CMYA5: variants seen among roughly 807,000 people sequenced by gnomAD.
The protein encoded by CMYA5 is cardiomyopathy associated 5, also known as cardiomyopathy-associated protein 5.
Under a neutral mutation model 318.9 loss-of-function variants are expected in CMYA5, and 246 were observed. The observed-to-expected ratio is 0.77, with a 90% confidence interval of 0.70 to 0.86. The LOEUF (loss-of-function observed/expected upper bound fraction) is 0.86, where lower values mean the gene tolerates loss of function less well. Among genes scored for constraint, CMYA5 ranks in the 40% least tolerant of loss-of-function variants. The probability of loss-of-function intolerance (pLI) is 0.00; values close to 1 mark genes in which losing one functional copy is unlikely to be tolerated. For synonymous variants in CMYA5, 1,641 were observed against 1,729.5 expected, an observed-to-expected ratio of 0.95 and a Z score of 1.27; for missense variants, 4,589 against 4,678.2, an observed-to-expected ratio of 0.98 and a Z score of 0.56.
At position 79,745,400 on chromosome 5, in the gene CMYA5, C is replaced by A; in HGVS notation, c.10913C>A (p.Thr3638Asn). ...FLQSMDTAKD[T>N]LETIVREAEE... ...CAGAGCATGGACACTGCCAAAGACACCCTGGAGACCATCGTGAGAGAAGCA... is the reference window on the plus strand; with the variant it reads ...CAGAGCATGGACACTGCCAAAGACAACCTGGAGACCATCGTGAGAGAAGCA... Residue 3638 changes from threonine to asparagine, a missense_variant, in exon 4 of 13, where the codon ACC becomes AAC. Physicochemically the swap from Thr to Asn is moderately conservative, Grantham distance 65. Transcript: ENST00000446378. 6.2e-7 allele frequency: 1 copy of A among 1,613,968 alleles called. No homozygotes were observed. The highest frequency in any genetic ancestry group is 1.7e-5 in the Admixed American group (1 of 60,014).
At chr5:79,785,041 C>A (rs1156566330) in intron 9 of CMYA5, among the ~76,000 whole-genome samples, 1 of 148,004 alleles carries the variant, frequency 6.8e-6, no homozygotes. Context: ...TTTAGTATGG[C>A]TATCTAGCTG....
chr5:79,775,797 C>T (rs1828928800), intron 9 of CMYA5, among the ~76,000 whole-genome samples: 1 of 152,114 alleles, frequency 6.6e-6, no homozygotes, highest in Non-Finnish European at 1.5e-5. Context: ...AGCCACCATT[C>T]TGGGCAGGCA....
At position 79,741,477 on chromosome 5, in the gene CMYA5, C is replaced by G. The variant is rs369807659; in HGVS notation, c.10638+2074C>G. 1.1e-3 allele frequency among the ~76,000 whole-genome samples: 163 copies of G among 152,256 alleles called. 1 individual carries two copies. In the Middle Eastern group the frequency reaches 0.014, roughly 13 times the overall value. ...GATTCAACAGATAACATATTAGAAT[C>G]TTGGCATTTTTTAACTCCCAAATTA... On this transcript the variant is annotated intron_variant, in intron 2 of 12. Transcript: ENST00000446378.
intron 1 of CMYA5, among the ~76,000 whole-genome samples, chr5:79,692,946 A>T (rs2055432): frequency 2.0e-5 from 3 of 152,096 alleles, no homozygotes; most frequent in African/African-American, 4.8e-5. Flanking sequence ...TACAAAAATA[A>T]GAATCCATTA....
chr5:79,728,462 A>G (rs1561204454), intron 1 of CMYA5, among the ~76,000 whole-genome samples: 1 of 152,002 alleles, frequency 6.6e-6, no homozygotes, highest in Non-Finnish European at 1.5e-5. Flanking sequence ...TACCTGTGAT[A>G]CCAGCTGACC....
At position 79,731,978 on chromosome 5, in the gene CMYA5, G is replaced by T. The variant is rs987679415; in HGVS notation, c.3213G>T (p.Leu1071Phe). Residue 1071 changes from leucine (L) to phenylalanine (F), a missense_variant, in exon 2 of 13, where the codon TTG (leucine) becomes TTT (phenylalanine). Around this residue, in one of 3 missense-constraint regions of CMYA5, gnomAD observed 2,132 missense variants for 2,131.3 expected, o/e 1.00. Transcript: ENST00000446378. Reference sequence around the variant, plus strand: ...AGCAAAAAGCTGAAACTTTCCCTTTGATGTCTCCGCTTGAAGACTTAAGTC... The same window carrying T: ...AGCAAAAAGCTGAAACTTTCCCTTTTATGTCTCCGCTTGAAGACTTAAGTC... ...SQKQKAETFPLMSPLEDLSLP... is the reference protein window; with the variant it reads ...SQKQKAETFPFMSPLEDLSLP... 1 of 1,613,722 alleles carries T rather than the reference G, an allele frequency of 6.2e-7. No individual in the cohort carries two copies. Among genetic ancestry groups the T allele is most frequent in the Non-Finnish European group, 8.5e-7 (1 of 1,179,828 alleles).
intron 1 of CMYA5, among the ~76,000 whole-genome samples, chr5:79,710,434 G>A (rs772218945): frequency 2.6e-5 from 4 of 152,058 alleles, no homozygotes; most frequent in Non-Finnish European, 5.9e-5. Context: ...GAGACCAAAA[G>A]TTTTGAGAAT....
chr5:79,734,492 A>T lies in CMYA5; in HGVS notation c.5727A>T (p.Arg1909Ser), dbSNP rs758051491. The T allele has an allele frequency of 6.2e-7, 1 of 1,613,740 alleles. No homozygotes were observed. The highest frequency in any genetic ancestry group is 1.3e-5 in the African/African-American group (1 of 75,044). ...PENVASQHEQ[R>S]IAGSVQLDSS... ...ATGTGGCTAGTCAACACGAACAGAG[A>T]ATAGCAGGATCTGTGCAGCTGGATT... Residue 1909 changes from arginine to serine, a missense_variant, in exon 2 of 13, where the codon AGA becomes AGT. By Grantham distance (110) the Arg-to-Ser change is moderately radical. This residue lies in a region of CMYA5 where 2,431 missense variants were observed against 2,495.1 expected (regional missense o/e 0.97). Coordinates refer to ENST00000446378, the MANE Select transcript of CMYA5 (RefSeq NM_153610.5).
intron 8 of CMYA5, chr5:79,762,852 G>A (rs1341440432): frequency 3.8e-5 from 20 of 527,352 alleles, no homozygotes; most frequent in Non-Finnish European, 6.6e-5. Flanking sequence ...GTTTGGGGAT[G>A]GGTGAGAACT....
chr5:79,776,514 C>T (rs976690228), intron 9 of CMYA5, among the ~76,000 whole-genome samples: 4 of 152,040 alleles, frequency 2.6e-5, no homozygotes, highest in African/African-American at 2.4e-5. Flanking sequence ...CTTCTTACCC[C>T]GCATTATCTT....
intron 1 of CMYA5, among the ~76,000 whole-genome samples, chr5:79,690,359 A>T (rs772754484): frequency 2.6e-5 from 4 of 152,136 alleles, no homozygotes; most frequent in Non-Finnish European, 5.9e-5. Flanking sequence ...GAACACGTAC[A>T]TCTGGCCCGA....
At chr5:79,721,505 A>C (rs1302693824) in intron 1 of CMYA5, among the ~76,000 whole-genome samples, 1 of 152,230 alleles carries the variant, frequency 6.6e-6, no homozygotes, top group South Asian at 2.1e-4. Flanking sequence ...TTAAATGGTC[A>C]GAATGGATTT....
At chr5:79,797,480 A>G (rs1829295045) in intron 12 of CMYA5, among the ~76,000 whole-genome samples, 1 of 152,242 alleles carries the variant, frequency 6.6e-6, no homozygotes, top group Admixed American at 6.5e-5. Flanking sequence ...TCTGAAAGAA[A>G]TGTCAAAAAT....
intron 1 of CMYA5, among the ~76,000 whole-genome samples, chr5:79,711,131 T>C (rs1194330300): frequency 6.6e-6 from 1 of 152,048 alleles, no homozygotes; most frequent in Non-Finnish European, 1.5e-5. Flanking sequence ...TCTTTGTTTT[T>C]TCCCCCTGTG....
At chr5:79,766,270 T>G (rs1561224644) in intron 9 of CMYA5, among the ~76,000 whole-genome samples, 1 of 152,058 alleles carries the variant, frequency 6.6e-6, no homozygotes, top group Non-Finnish European at 1.5e-5. Flanking sequence ...CGCTAATTTT[T>G]TTGGGTATTT....
intron 9 of CMYA5, among the ~76,000 whole-genome samples, chr5:79,766,041 G>C (rs963451928): frequency 6.6e-6 from 1 of 152,154 alleles, no homozygotes; most frequent in Non-Finnish European, 1.5e-5. Flanking sequence ...TAGGAGTGGT[G>C]AGAGAGGGCC....
At position 79,731,983 on chromosome 5, in the gene CMYA5, C is replaced by G. The variant is rs567485968; in HGVS notation, c.3218C>G (p.Ser1073Cys). ...AAAGCTGAAACTTTCCCTTTGATGT[C>G]TCCGCTTGAAGACTTAAGTCTGCCG... Reference protein sequence around the residue: ...KQKAETFPLMSPLEDLSLPPS... With the variant: ...KQKAETFPLMCPLEDLSLPPS... The change falls in exon 2 of 13, where the codon TCT becomes TGT. Residue 1073 changes from serine (S) to cysteine (C), a missense_variant. Around this residue, in one of 3 missense-constraint regions of CMYA5, gnomAD observed 2,132 missense variants for 2,131.3 expected, o/e 1.00. Transcript: ENST00000446378. The G allele has an allele frequency of 6.2e-7, 1 of 1,613,628 alleles. No individual in the cohort carries two copies. Among genetic ancestry groups the G allele is most frequent in the African/African-American group, 1.3e-5 (1 of 74,904 alleles).
chr5:79,737,812 T>G lies in CMYA5; in HGVS notation c.9047T>G (p.Leu3016Trp), dbSNP rs1322661080. The G allele has an allele frequency of 3.1e-6, 5 of 1,606,508 alleles. No homozygotes were observed. Among genetic ancestry groups the G allele is most frequent in the East Asian group, 4.5e-5 (2 of 44,822 alleles). ...SRLEDEKVTP[L>W]KENKQKETHK... ...TTAGAAGATGAAAAAGTTACCCCAT[T>G]GAAAGAAAATAAACAAAAGGAAACT... Residue 3016 changes from leucine to tryptophan, a missense_variant, in exon 2 of 13, where the codon TTG becomes TGG. Transcript: ENST00000446378.
Position 79,747,058 on chromosome 5 carries a change from TCTC to T in CMYA5, c.10969-24_10969-22del, listed in dbSNP as rs370214019. On this transcript the variant is annotated intron_variant, in intron 4 of 12. Coordinates refer to ENST00000446378, the MANE Select transcript of CMYA5 (RefSeq NM_153610.5). Reference sequence around the variant, plus strand: ...TCTTTCTCTCTCTCTTTTTCTCTCTTCTCCTCCTCCTTCCTCTCTCTTTCTCCC... The same window carrying T: ...TCTTTCTCTCTCTCTTTTTCTCTCTTCTCCTCCTTCCTCTCTCTTTCTCCC... 1.8e-4 allele frequency: 229 copies of T among 1,261,160 alleles called. No homozygotes were observed. In the African/African-American group the frequency reaches 2.9e-3, roughly 16 times the overall value. 78.1% of individuals were successfully genotyped at this position (1,261,160 alleles called of 1,614,324 possible). A position where few individuals can be genotyped will look rare whatever the true frequency, so the allele number is the denominator to read the frequency against.
Sources: allele counts gnomAD v4.1 joint callset (sites outside exome capture counted in the v4.1 genomes callset), GRCh38; gene constraint gnomAD v4.1.1; regional missense constraint gnomAD v4.1.1; transcripts MANE v1.5; gene names NCBI Gene and HGNC (gene_info 2026-07-23, HGNC 2026-07-21).